The following MICALL2 variants were observed in gnomAD, a reference collection of about 807,000 sequenced individuals.
MICALL2 encodes MICAL-like protein 2.
In MICALL2, 111 loss-of-function variants were observed where a neutral mutation model predicts 91.1. The observed-to-expected ratio is 1.22, with a 90% CI of 1.04 to 1.43. MICALL2 has a LOEUF of 1.43. MICALL2 is among the 40% of genes most tolerant of loss of function. The pLI is 0.00. For missense variants in MICALL2, 1,556 were observed against 1,236.0 expected (o/e 1.26, Z -3.88); for synonymous variants, 694 against 525.3 (o/e 1.32, Z -4.39).
In MICALL2 at chr7:1,448,624, G is replaced by A. The variant is rs1331045325; in HGVS notation, c.330C>T (p.Ser110=). 1.2e-6 allele frequency: 2 copies of A among 1,612,616 alleles called. No homozygotes were observed. The highest frequency in any genetic ancestry group is 2.2e-5 in the East Asian group (1 of 44,858). Residue 110 remains serine, a synonymous_variant, in exon 3 of 17, where the codon TCC becomes TCT. Coordinates refer to ENST00000297508, the MANE Select transcript of MICALL2 (RefSeq NM_182924.4). ...GCGGGCGCGGCAGGGACTCACTGGG[G>A]GAGCGGCCGTGGAAGTAGTTGTAAT... ...SQYYNYFHGR[S]PIGGMAGVKR...
rs1779860062 is a variant in MICALL2, at chr7:1,434,502, G to A, written c.*94C>T. On this transcript the variant is annotated 3_prime_UTR_variant, in exon 17 of 17. Transcript: ENST00000297508. ...GTCCGGGCCGAGCCCACGGCCCCGA[G>A]TACAAGTCCGGGTTCCGGGTCCGGG... is the stretch of plus-strand genomic sequence containing the variant. The A allele has an allele frequency of 2.6e-6, 3 of 1,140,604 alleles. No homozygotes were observed. The highest frequency in any genetic ancestry group is 4.0e-6 in the Non-Finnish European group (3 of 751,782). The allele number at this position is 1,140,604 out of a possible 1,614,324, so 70.7% of individuals were successfully genotyped here.
At chr7:1,437,482 G>T in intron 14 of MICALL2, 53 bp downstream of exon 14, 2 of 1,461,652 alleles carry the variant, frequency 1.4e-6, no homozygotes, top group Admixed American at 5.0e-5. Context: ...AGACATCCTG[G>T]GCTCCGCGGC....
Position 1,437,976 on chromosome 7 carries a change from G to A in MICALL2, c.2316C>T (p.Asp772=), listed in dbSNP as rs377450726. ...EKRLRAAEGD[D]AEDSLMVDWF... ...AGTCCACCATGAGGCTATCCTCAGC[G>A]TCATCTGGGGAGAGGAGCCAGCTGG... Residue 772 remains aspartate (D), a synonymous_variant, in exon 13 of 17, where the codon GAC becomes GAT. Coordinates refer to ENST00000297508, the MANE Select transcript of MICALL2 (RefSeq NM_182924.4). The A allele has an allele frequency of 1.2e-4, 188 of 1,550,432 alleles. No individual in the cohort carries two copies. The highest frequency in any genetic ancestry group is 1.7e-4 in the East Asian group (7 of 41,208).
Position 1,434,480 on chromosome 7 carries a change from C to T in MICALL2, c.*116G>A, listed in dbSNP as rs778306926. On this transcript the variant is annotated 3_prime_UTR_variant, in exon 17 of 17. Coordinates refer to ENST00000297508, the MANE Select transcript of MICALL2 (RefSeq NM_182924.4). ...CGAGTCCAAGTCCGAATGCCGGGTC[C>T]GGGCCGAGCCCACGGCCCCGAGTAC... is the stretch of plus-strand genomic sequence containing the variant. 30 of 922,122 alleles carry T rather than the reference C, an allele frequency of 3.3e-5. No homozygotes were observed. The highest frequency in any genetic ancestry group is 5.5e-5 in the Admixed American group (3 of 54,646). 57.1% of individuals were successfully genotyped at this position (922,122 alleles called of 1,614,324 possible). A position where few individuals can be genotyped will look rare whatever the true frequency, so the allele number is the denominator to read the frequency against.
Position 1,459,258 on chromosome 7 carries a change from G to T in MICALL2, c.69C>A (p.Ile23=). The stretch of plus-strand genomic sequence containing the variant: ...CGCGGAACGACGTGGTCATGTTGCA[G>T]ATATTCACGTCGCGGTAGCCCTCGC... ...QQCEGYRDVN[I]CNMTTSFRDG... is the part of the protein sequence containing the mutation. The change falls in exon 1 of 17, where the codon ATC becomes ATA. Residue 23 remains isoleucine (I), a synonymous_variant. Transcript: ENST00000297508. 2 of 1,610,572 alleles carry T rather than the reference G, an allele frequency of 1.2e-6. No individual in the cohort carries two copies. Among genetic ancestry groups the T allele is most frequent in the Non-Finnish European group, 1.7e-6 (2 of 1,178,854 alleles).
At chr7:1,455,791 G>A (rs1780993631) in intron 1 of MICALL2, among the ~76,000 whole-genome samples, 1 of 151,980 alleles carries the variant, frequency 6.6e-6, no homozygotes, top group African/African-American at 2.4e-5. Flanking sequence ...CCAGACAAAG[G>A]GAAGGACTTC....
intron 14 of MICALL2, 75 bp from the exon 15 acceptor site, chr7:1,436,931 C>A: frequency 9.0e-7 from 1 of 1,108,100 alleles, no homozygotes; most frequent in Non-Finnish European, 1.2e-6. Flanking sequence ...GTCCCCACCA[C>A]CCAAGCGCCA....
At position 1,451,979 on chromosome 7, in the gene MICALL2, G is replaced by C; in HGVS notation, c.144-1691C>G. ...GGCCAGGCAGCAGCCACACGGTGGGGTGGGGGCAGTGGGATGGGGGCTGCA... is the reference window on the plus strand; with the variant it reads ...GGCCAGGCAGCAGCCACACGGTGGGCTGGGGGCAGTGGGATGGGGGCTGCA... On this transcript the variant is annotated intron_variant, in intron 1 of 16. Transcript: ENST00000297508. The surrounding 1 kb of genome is among the most constrained non-coding windows in gnomAD (Gnocchi z 4.5). Among the ~76,000 whole-genome samples, 1 of 152,212 alleles carries C rather than the reference G, an allele frequency of 6.6e-6. No individual in the cohort carries two copies. Among genetic ancestry groups the C allele is most frequent in the Non-Finnish European group, 1.5e-5 (1 of 68,030 alleles).
Position 1,438,693 on chromosome 7 carries a change from G to A in MICALL2, c.2122+147C>T, listed in dbSNP as rs200537118. 1.7e-4 allele frequency: 251 copies of A among 1,472,906 alleles called. 1 individual carries two copies. Among genetic ancestry groups the A allele is most frequent in the Admixed American group, 1.7e-4 (7 of 40,936 alleles). 91.2% of individuals were successfully genotyped at this position (1,472,906 alleles called of 1,614,324 possible). On this transcript the variant is annotated intron_variant, in intron 10 of 16. Transcript: ENST00000297508. Reference sequence around the variant, plus strand: ...GTCTCTATTCATGAGGGCGGGCCTGGGGCACGGGGCTGGGTCCTTCCTCCA... The same window carrying A: ...GTCTCTATTCATGAGGGCGGGCCTGAGGCACGGGGCTGGGTCCTTCCTCCA...
chr7:1,437,739 C>T (rs1021842126), intron 13 of MICALL2, 131 bp from the exon 14 acceptor site: 8 of 1,249,268 alleles, frequency 6.4e-6, no homozygotes, highest in East Asian at 5.1e-5. Flanking sequence ...GCCCGTCCCC[C>T]GCCTGGCCCA....
chr7:1,438,645 C>T (rs931984122), intron 10 of MICALL2, 195 bp downstream of exon 10: 4 of 1,423,416 alleles, frequency 2.8e-6, no homozygotes, highest in Admixed American at 5.8e-5. Flanking sequence ...GAGTCTGTAA[C>T]AAGGTACTCT....
intron 6 of MICALL2, 129 bp from the exon 7 acceptor site, chr7:1,442,613 A>C (rs1780356423): frequency 2.4e-6 from 2 of 818,628 alleles, no homozygotes; most frequent in Non-Finnish European, 3.7e-6. Context: ...TCCCACCATC[A>C]CCCCAGGCCA....
At chr7:1,434,981 A>AGCCC in intron 16 of MICALL2, 120 bp downstream of exon 16, 64 of 372,228 alleles carry the variant, frequency 1.7e-4, no homozygotes, top group Non-Finnish European at 2.2e-4. Context: ...GGGACCCGAT[A>AGCCC]CCCGCCCCCC....
At chr7:1,449,461 C>T (rs1212435154) in intron 2 of MICALL2, among the ~76,000 whole-genome samples, 1 of 152,224 alleles carries the variant, frequency 6.6e-6, no homozygotes, top group Non-Finnish European at 1.5e-5. Flanking sequence ...AGGTGCGCAC[C>T]ACCACGCCCC....
intron 7 of MICALL2, chr7:1,440,894 G>T (rs1780249324): frequency 1.8e-5 from 10 of 559,538 alleles, no homozygotes; most frequent in Non-Finnish European, 3.2e-5. Flanking sequence ...GTGTCCCTGG[G>T]GGAAGCTCTC....
intron 5 of MICALL2, 26 bp from the exon 6 acceptor site, chr7:1,445,454 C>G (rs1165140476): frequency 4.7e-6 from 7 of 1,482,410 alleles, no homozygotes; most frequent in Non-Finnish European, 6.3e-6. Context: ...CACAGGAGCC[C>G]CAGCTCGGCA....
intron 15 of MICALL2, 97 bp downstream of exon 15, chr7:1,436,645 T>A (rs1779979144): frequency 1.2e-6 from 1 of 819,190 alleles, no homozygotes; most frequent in Non-Finnish European, 1.8e-6. Context: ...AACCGCCTGG[T>A]CAGAAAGTTC....
rs974404359 is a variant in MICALL2, at chr7:1,445,494, G to A, written c.642-66C>T. 4.8e-5 allele frequency: 67 copies of A among 1,392,932 alleles called. 1 individual carries two copies. The highest frequency in any genetic ancestry group is 4.8e-5 in the Non-Finnish European group (51 of 1,058,002). 86.3% of individuals were successfully genotyped at this position (1,392,932 alleles called of 1,614,324 possible). On this transcript the variant is annotated intron_variant, in intron 5 of 16. Transcript: ENST00000297508. ...CCACCCCGCCACGCATTCACCACGT[G>A]CTCCTGATAGCAGGCATTGCGGACT...
intron 1 of MICALL2, among the ~76,000 whole-genome samples, chr7:1,455,257 C>T (rs1001891102): frequency 1.3e-5 from 2 of 152,192 alleles, no homozygotes; most frequent in African/African-American, 2.4e-5. Context: ...GCTCCAGCCC[C>T]GACAGGCTGA....
Sources: allele counts gnomAD v4.1 joint callset (sites outside exome capture counted in the v4.1 genomes callset), GRCh38; gene constraint gnomAD v4.1.1; non-coding constraint Gnocchi (gnomAD v3.1); transcripts MANE v1.5; gene names NCBI Gene and HGNC (gene_info 2026-07-23, HGNC 2026-07-21).